Variants in DTNB observed in about 807,000 individuals in gnomAD.
The protein encoded by DTNB is DTN-B.
A neutral mutation model predicts 90.7 loss-of-function variants in DTNB; 63 were observed. The ratio of observed to expected loss-of-function variants is 0.69; its 90% CI spans 0.57 to 0.86. The LOEUF (loss-of-function observed/expected upper bound fraction) is 0.86, where lower values mean the gene tolerates loss of function less well. Among genes scored for constraint, DTNB ranks in the 40% least tolerant of loss-of-function variants. The probability of loss-of-function intolerance (pLI) is 0.00; values close to 1 mark genes in which losing one functional copy is unlikely to be tolerated. For synonymous variants in DTNB, 277 were observed against 286.7 expected, an observed-to-expected ratio of 0.97 and a Z score of 0.34; for missense variants, 744 against 807.1, an observed-to-expected ratio of 0.92 and a Z score of 0.95.
chr2:25,520,299 G>T (rs1417317720), intron 9 of DTNB, among the ~76,000 whole-genome samples: 3 of 152,194 alleles, frequency 2.0e-5, no homozygotes, highest in African/African-American at 4.8e-5. Context: ...TTGAATCCGG[G>T]AGGTGGAAGT....
At chr2:25,544,087 T>G (rs1439575658) in intron 8 of DTNB, among the ~76,000 whole-genome samples, 1 of 152,174 alleles carries the variant, frequency 6.6e-6, no homozygotes, top group Non-Finnish European at 1.5e-5. Flanking sequence ...ATTCTATTTC[T>G]TAGAAAGAAA....
At chr2:25,563,503 AGT>A (rs2058557993) in intron 8 of DTNB, among the ~76,000 whole-genome samples, 1 of 152,164 alleles carries the variant, frequency 6.6e-6, no homozygotes, top group Admixed American at 6.5e-5. Context: ...AGCTTTTGGT[AGT>A]ATATTTAAGA....
chr2:25,400,859 T>C (rs930817243), intron 16 of DTNB, among the ~76,000 whole-genome samples: 6 of 152,228 alleles, frequency 3.9e-5, no homozygotes, highest in African/African-American at 1.4e-4. Context: ...GAAACAATTC[T>C]GTTGCAAATG....
At chr2:25,447,802 C>A (rs2058651134) in intron 12 of DTNB, among the ~76,000 whole-genome samples, 1 of 152,084 alleles carries the variant, frequency 6.6e-6, no homozygotes, top group Admixed American at 6.6e-5. Context: ...AGCCACCATG[C>A]CCGGCCTAGT....
intron 8 of DTNB, 75 bp from the exon 9 acceptor site, chr2:25,531,672 TTG>T: frequency 1.3e-6 from 2 of 1,533,822 alleles, no homozygotes; most frequent in South Asian, 2.5e-5. Context: ...GAAAAAAACT[TTG>T]TGACAAGAGT....
At chr2:25,490,988 A>G (rs1336951053) in intron 9 of DTNB, among the ~76,000 whole-genome samples, 1 of 152,180 alleles carries the variant, frequency 6.6e-6, no homozygotes, top group Non-Finnish European at 1.5e-5. Context: ...TATACTTTCC[A>G]ACACTTCTCC....
At chr2:25,647,915 C>T (rs1455292924) in intron 2 of DTNB, among the ~76,000 whole-genome samples, 2 of 151,248 alleles carry the variant, frequency 1.3e-5, no homozygotes, top group Admixed American at 1.3e-4. Context: ...CCTTAGTAAC[C>T]CAACATAAGT....
chr2:25,518,480 G>A (rs2075550073), intron 9 of DTNB, among the ~76,000 whole-genome samples: 1 of 151,956 alleles, frequency 6.6e-6, no homozygotes, highest in Non-Finnish European at 1.5e-5. Flanking sequence ...GTTCACATAA[G>A]CATCCCTCTG....
At chr2:25,522,292 G>GGA (rs1188889508) in intron 9 of DTNB, among the ~76,000 whole-genome samples, 1 of 152,198 alleles carries the variant, frequency 6.6e-6, no homozygotes, top group Non-Finnish European at 1.5e-5. Flanking sequence ...AAATATGCCT[G>GGA]ACATCTAGTG....
chr2:25,514,354 G>A (rs1019712510), intron 9 of DTNB, among the ~76,000 whole-genome samples: 23 of 152,286 alleles, frequency 1.5e-4, no homozygotes, highest in Middle Eastern at 6.8e-3. Context: ...AACAAAGGAG[G>A]ATAGAGCAAT....
In DTNB at chr2:25,391,813, C is replaced by G. The variant is rs373712316; in HGVS notation, c.1576-3452G>C. Among the ~76,000 whole-genome samples, 13 of 152,246 alleles carry G rather than the reference C, an allele frequency of 8.5e-5. No individual in the cohort carries two copies. The East Asian group carries it at 2.3e-3, about 27-fold the overall frequency. ...TACATGGAAATTAAATAATCTGCTC[C>G]TGAATGATGGTTGGATCAACAATGA... On this transcript the variant is annotated intron_variant, in intron 16 of 20. Transcript: ENST00000406818.
intron 9 of DTNB, among the ~76,000 whole-genome samples, chr2:25,508,981 C>T (rs2073262546): frequency 6.6e-6 from 1 of 152,188 alleles, no homozygotes; most frequent in Non-Finnish European, 1.5e-5. Flanking sequence ...TGCTAATATA[C>T]AGAAATGCCA....
intron 11 of DTNB, among the ~76,000 whole-genome samples, chr2:25,454,993 A>G (rs2059798257): frequency 6.6e-6 from 1 of 152,208 alleles, no homozygotes; most frequent in Non-Finnish European, 1.5e-5. Context: ...AAGTCCCCAG[A>G]TAAGACAAAG....
At chr2:25,512,242 C>T (rs1441719356) in intron 9 of DTNB, among the ~76,000 whole-genome samples, 1 of 152,234 alleles carries the variant, frequency 6.6e-6, no homozygotes, top group African/African-American at 2.4e-5. Context: ...TGAGTAACTA[C>T]TCTTTGGTTG....
chr2:25,542,012 G>A (rs1413343269), intron 8 of DTNB, among the ~76,000 whole-genome samples: 1 of 152,186 alleles, frequency 6.6e-6, no homozygotes, highest in African/African-American at 2.4e-5. Flanking sequence ...GATGCTATCA[G>A]ATTTTACAAA....
intron 10 of DTNB, among the ~76,000 whole-genome samples, chr2:25,475,064 G>A (rs144936446): frequency 2.5e-4 from 38 of 152,230 alleles, no homozygotes; most frequent in African/African-American, 8.9e-4. Flanking sequence ...ACCCTATTAT[G>A]ATGTCTAAGT....
intron 4 of DTNB, among the ~76,000 whole-genome samples, chr2:25,627,734 T>TC (rs929208188): frequency 2.0e-5 from 3 of 149,810 alleles, no homozygotes; most frequent in African/African-American, 7.5e-5. Context: ...CGAATAATTT[T>TC]CCTTTTTTTT....
intron 16 of DTNB, among the ~76,000 whole-genome samples, chr2:25,399,752 T>C (rs527312368): frequency 6.6e-6 from 1 of 152,370 alleles, no homozygotes; most frequent in East Asian, 1.9e-4. Context: ...TGGAGTCTCC[T>C]CCCCTTCAAT....
chr2:25,574,441 TA>T (rs1342239883), intron 8 of DTNB, among the ~76,000 whole-genome samples: 1 of 152,336 alleles, frequency 6.6e-6, no homozygotes, highest in East Asian at 1.9e-4. Context: ...GCTACTGAGA[TA>T]AAACATTCAA....
Sources: gnomAD v4.1 joint callset for allele counts (sites outside exome capture counted in the v4.1 genomes callset) on GRCh38, gnomAD v4.1.1 for gene constraint, MANE v1.5 for transcripts, NCBI Gene and HGNC (gene_info 2026-07-23, HGNC 2026-07-21) for gene names.